Variants in ROBO1 observed in about 807,000 individuals in gnomAD.
The protein encoded by ROBO1 is roundabout guidance receptor 1, also known as roundabout homolog 1.
In ROBO1, 149 loss-of-function variants were observed where a neutral mutation model predicts 195.9. The observed-to-expected ratio is 0.76, with a 90% CI of 0.67 to 0.87. The LOEUF (loss-of-function observed/expected upper bound fraction) is 0.87. ROBO1 is among the 40% of genes least tolerant of loss of function. The pLI is 0.00. For synonymous variants in ROBO1, 816 were observed against 733.2 expected, an observed-to-expected ratio of 1.11 and a Z score of -1.82; for missense variants, 1,933 against 2,068.3, an observed-to-expected ratio of 0.93 and a Z score of 1.27.
chr3:79,447,817 C>T (rs1350133078), intron 2 of ROBO1, among the ~76,000 whole-genome samples: 2 of 152,086 alleles, frequency 1.3e-5, no homozygotes, highest in Non-Finnish European at 2.9e-5. Context: ...GAGACATCGC[C>T]TATTAAGCTG....
chr3:79,270,790 C>G (rs2030480706), intron 2 of ROBO1, among the ~76,000 whole-genome samples: 1 of 151,926 alleles, frequency 6.6e-6, no homozygotes, highest in East Asian at 1.9e-4. Context: ...TCTCTAAATA[C>G]TTCCCTGGCC....
intron 2 of ROBO1, among the ~76,000 whole-genome samples, chr3:79,227,446 T>C (rs1004475639): frequency 6.6e-6 from 1 of 152,246 alleles, no homozygotes; most frequent in African/African-American, 2.4e-5. Context: ...GTATATCTAA[T>C]GCAGTATTGT....
intron 4 of ROBO1, among the ~76,000 whole-genome samples, chr3:78,930,373 T>C (rs1310652350): frequency 1.3e-5 from 2 of 152,142 alleles, no homozygotes; most frequent in Non-Finnish European, 2.9e-5. Context: ...GAGCACAGAC[T>C]GCAAGAGGCT....
intron 2 of ROBO1, among the ~76,000 whole-genome samples, chr3:79,518,679 T>C (rs1941060309): frequency 6.6e-6 from 1 of 151,796 alleles, no homozygotes; most frequent in Admixed American, 6.6e-5. Context: ...TCTTTTATTA[T>C]TATTATTATT....
intron 3 of ROBO1, among the ~76,000 whole-genome samples, chr3:79,055,832 A>G (rs112218878): frequency 0.012 from 1,871 of 152,170 alleles, 52 homozygotes; most frequent in African/African-American, 0.043. Context: ...TCCCTTTACA[A>G]TGAAAATCTG....
chr3:79,435,133 A>C (rs1490508824), intron 2 of ROBO1, among the ~76,000 whole-genome samples: 1 of 152,228 alleles, frequency 6.6e-6, no homozygotes, highest in Non-Finnish European at 1.5e-5. Flanking sequence ...TAATGGGTGC[A>C]GCACACCAAC....
chr3:79,293,575 T>C (rs1438075774), intron 2 of ROBO1, among the ~76,000 whole-genome samples: 3 of 152,178 alleles, frequency 2.0e-5, no homozygotes, highest in Non-Finnish European at 4.4e-5. Context: ...TCTGGTACAT[T>C]GTGTCTGTTT....
chr3:79,145,081 C>T (rs1047151378), intron 2 of ROBO1, among the ~76,000 whole-genome samples: 1 of 151,834 alleles, frequency 6.6e-6, no homozygotes, highest in African/African-American at 2.4e-5. Flanking sequence ...TGTCATTTGA[C>T]TATAAATGGT....
chr3:79,538,044 C>G (rs11707288), intron 2 of ROBO1, among the ~76,000 whole-genome samples: 86,905 of 151,946 alleles, frequency 0.57, 24,972 homozygotes, highest in Non-Finnish European at 0.6. Flanking sequence ...GGACAAGCTT[C>G]ATGTATCTTT....
chr3:79,373,739 C>T (rs1425444557), intron 2 of ROBO1, among the ~76,000 whole-genome samples: 1 of 152,172 alleles, frequency 6.6e-6, no homozygotes, highest in Admixed American at 6.5e-5. Flanking sequence ...AATGAATTAA[C>T]TTACCTTTGA....
intron 2 of ROBO1, among the ~76,000 whole-genome samples, chr3:79,534,137 G>A (rs1428973425): frequency 1.0e-5 from 1 of 99,202 alleles, no homozygotes; most frequent in Non-Finnish European, 1.9e-5. Flanking sequence ...GACTCTAGAT[G>A]CTGGGGAAGG....
chr3:78,666,869 T>C (rs1246577785), intron 14 of ROBO1, among the ~76,000 whole-genome samples: 1 of 152,184 alleles, frequency 6.6e-6, no homozygotes, highest in Non-Finnish European at 1.5e-5. Context: ...TCTATTAAAA[T>C]AACCAAGTCT....
intron 2 of ROBO1, among the ~76,000 whole-genome samples, chr3:79,246,866 A>T (rs2082633252): frequency 6.6e-6 from 1 of 152,008 alleles, no homozygotes; most frequent in Non-Finnish European, 1.5e-5. Flanking sequence ...AGCTAAATAT[A>T]AATATTTATT....
intron 3 of ROBO1, among the ~76,000 whole-genome samples, chr3:78,951,494 T>G (rs937064879): frequency 6.6e-6 from 1 of 151,982 alleles, no homozygotes; most frequent in Non-Finnish European, 1.5e-5. Flanking sequence ...GTAAACCTAA[T>G]AGTTACAAAG....
intron 8 of ROBO1, among the ~76,000 whole-genome samples, chr3:78,702,714 T>C (rs2081447945): frequency 6.6e-6 from 1 of 152,140 alleles, no homozygotes; most frequent in South Asian, 2.1e-4. Context: ...AGAATGTTGG[T>C]TTGGTTTCTA....
At position 79,717,349 on chromosome 3, in the gene ROBO1, A is replaced by G. The variant is rs189471821; in HGVS notation, c.-51+50403T>C. On this transcript the variant is annotated intron_variant, in intron 1 of 30. Transcript: ENST00000464233. ...GAATCTTCCAAAAGGCACTGAGAGA[A>G]CATACACTTTTATTTCTGCTAGAAT... Among the ~76,000 whole-genome samples, 597 of 152,088 alleles carry G rather than the reference A, an allele frequency of 3.9e-3. 6 individuals are homozygous for G. The highest frequency in any genetic ancestry group is 0.031 in the Middle Eastern group (9 of 292).
chr3:79,301,949 GA>G (rs2032979455), intron 2 of ROBO1, among the ~76,000 whole-genome samples: 1 of 152,082 alleles, frequency 6.6e-6, no homozygotes, highest in Admixed American at 6.6e-5. Flanking sequence ...CATCTCTCTT[GA>G]CTGTATGTGT....
intron 8 of ROBO1, among the ~76,000 whole-genome samples, chr3:78,698,220 A>G (rs1399791493): frequency 6.6e-6 from 1 of 152,218 alleles, no homozygotes; most frequent in African/African-American, 2.4e-5. Flanking sequence ...ATTCTCAAGT[A>G]GTAAAACTAT....
intron 3 of ROBO1, among the ~76,000 whole-genome samples, chr3:79,002,669 T>C (rs1283005517): frequency 6.6e-6 from 1 of 152,130 alleles, no homozygotes; most frequent in Non-Finnish European, 1.5e-5. Context: ...CCCAGGCTTA[T>C]GTCAATTGCT....
Sources: gnomAD v4.1 joint callset for allele counts (sites outside exome capture counted in the v4.1 genomes callset) on GRCh38, gnomAD v4.1.1 for gene constraint, MANE v1.5 for transcripts, NCBI Gene and HGNC (gene_info 2026-07-23, HGNC 2026-07-21) for gene names.